CHN1: variants seen among roughly 807,000 people sequenced by gnomAD.
The protein encoded by CHN1 is chimerin 1.
Under a neutral mutation model 59.5 loss-of-function variants are expected in CHN1, and 37 were observed. The observed-to-expected ratio is 0.62, with a 90% CI of 0.48 to 0.82. The LOEUF is 0.82. CHN1 is among the 40% of genes least tolerant of loss of function. The pLI is 0.00. For synonymous variants in CHN1, 206 were observed against 200.4 expected (o/e 1.03, Z -0.24); for missense variants, 469 against 571.0 (o/e 0.82, Z 1.82).
At chr2:174,834,656 C>T (rs1182974037) in intron 7 of CHN1, among the ~76,000 whole-genome samples, 2 of 151,890 alleles carry the variant, frequency 1.3e-5, no homozygotes, top group African/African-American at 4.8e-5. Flanking sequence ...ATGTGCATCC[C>T]CCCAACTGCT....
intron 6 of CHN1, among the ~76,000 whole-genome samples, chr2:174,867,691 GTAATA>G (rs1317244035): frequency 6.6e-6 from 1 of 151,978 alleles, no homozygotes; most frequent in Non-Finnish European, 1.5e-5. Context: ...TGCTTATAAA[GTAATA>G]TAATATAGAC....
chr2:174,979,945 G>C (rs1429671545), intron 1 of CHN1, among the ~76,000 whole-genome samples: 2 of 152,078 alleles, frequency 1.3e-5, no homozygotes, highest in Non-Finnish European at 2.9e-5. Context: ...TACCTTTTTA[G>C]AACAATTTCA....
At chr2:174,950,610 C>T (rs1443173743) in intron 2 of CHN1, among the ~76,000 whole-genome samples, 1 of 151,842 alleles carries the variant, frequency 6.6e-6, no homozygotes, top group African/African-American at 2.4e-5. Flanking sequence ...CAAAAAATAC[C>T]AGTTGCATAT....
chr2:174,882,848 C>T (rs1314812222), intron 5 of CHN1, among the ~76,000 whole-genome samples: 1 of 151,948 alleles, frequency 6.6e-6, no homozygotes, highest in African/African-American at 2.4e-5. Flanking sequence ...ATGATGCATT[C>T]GATTAAGTAC....
At chr2:174,971,744 C>G (rs905868544) in intron 1 of CHN1, among the ~76,000 whole-genome samples, 3 of 152,152 alleles carry the variant, frequency 2.0e-5, no homozygotes, top group Non-Finnish European at 2.9e-5. Context: ...GTCCTTGAAC[C>G]AAGATCATGT....
intron 3 of CHN1, among the ~76,000 whole-genome samples, chr2:174,930,866 T>C (rs1689323814): frequency 6.6e-6 from 1 of 151,946 alleles, no homozygotes; most frequent in African/African-American, 2.4e-5. Flanking sequence ...TTGGGTTTTA[T>C]GCCATTCTCC....
At chr2:174,983,764 G>A (rs2105452819) in intron 1 of CHN1, among the ~76,000 whole-genome samples, 1 of 152,236 alleles carries the variant, frequency 6.6e-6, no homozygotes, top group Non-Finnish European at 1.5e-5. Flanking sequence ...GGAGGCTGAG[G>A]TTGCAGTGAG....
chr2:174,886,539 A>G (rs1275654845), intron 5 of CHN1, among the ~76,000 whole-genome samples: 1 of 152,218 alleles, frequency 6.6e-6, no homozygotes, highest in Non-Finnish European at 1.5e-5. Flanking sequence ...GGATTTATTA[A>G]GTTTTATATA....
At chr2:174,909,879 GT>G (rs1482897665) in intron 5 of CHN1, among the ~76,000 whole-genome samples, 2 of 152,170 alleles carry the variant, frequency 1.3e-5, no homozygotes, top group African/African-American at 2.4e-5. Flanking sequence ...ATTTTAAAGG[GT>G]CCCTTTTGCG....
chr2:174,807,916 C>A (rs1157328387), intron 11 of CHN1, among the ~76,000 whole-genome samples: 2 of 152,008 alleles, frequency 1.3e-5, no homozygotes, highest in African/African-American at 4.8e-5. Flanking sequence ...GAGAGAAAAG[C>A]AAAATGACAG....
At chr2:174,940,747 C>T (rs962919931) in intron 3 of CHN1, among the ~76,000 whole-genome samples, 1 of 152,068 alleles carries the variant, frequency 6.6e-6, no homozygotes, top group Non-Finnish European at 1.5e-5. Context: ...TAAGTTTGAC[C>T]ACCAGATCTC....
At chr2:174,952,346 T>C in intron 1 of CHN1, 144 bp from the exon 2 acceptor site, 1 of 452,746 alleles carries the variant, frequency 2.2e-6, no homozygotes, top group Admixed American at 4.4e-5. Flanking sequence ...TTCAAGGGTT[T>C]TTTTTTAGTC....
chr2:174,952,912 A>C lies in CHN1; in HGVS notation c.20-710T>G, dbSNP rs1244173160. ...AGATGGAAATACAAACACATGACGG[A>C]CGTGGAGTTATCAGAGAAAGAAGAA... is the stretch of plus-strand genomic sequence containing the variant. On this transcript the variant is annotated intron_variant, in intron 1 of 12. Coordinates refer to ENST00000409900, the MANE Select transcript of CHN1 (RefSeq NM_001822.7). Among the ~76,000 whole-genome samples the C allele has an allele frequency of 3.9e-5, 6 of 152,352 alleles. No individual in the cohort carries two copies. In the South Asian group the frequency reaches 6.2e-4, roughly 16 times the overall value.
At chr2:174,993,586 A>C (rs1321771179) in intron 1 of CHN1, among the ~76,000 whole-genome samples, 20 of 151,976 alleles carry the variant, frequency 1.3e-4, no homozygotes. Flanking sequence ...GCACCAAAAA[A>C]ACACATGACA....
At chr2:174,828,789 G>GT (rs1685777787) in intron 7 of CHN1, among the ~76,000 whole-genome samples, 1 of 152,178 alleles carries the variant, frequency 6.6e-6, no homozygotes, top group African/African-American at 2.4e-5. Flanking sequence ...TTCACAAGGG[G>GT]TGCAAGGGCT....
intron 6 of CHN1, among the ~76,000 whole-genome samples, chr2:174,861,682 T>G (rs1306592304): frequency 1.3e-5 from 2 of 152,230 alleles, no homozygotes; most frequent in Non-Finnish European, 2.9e-5. Context: ...ACTAAAAACA[T>G]GTTAGAGAGA....
chr2:174,938,073 G>A (rs1025158973), intron 3 of CHN1, among the ~76,000 whole-genome samples: 4 of 152,036 alleles, frequency 2.6e-5, no homozygotes, highest in African/African-American at 9.7e-5. Context: ...AGAACTCCTA[G>A]GCTCAAGTGA....
chr2:174,988,974 A>C (rs1574248492), intron 1 of CHN1, among the ~76,000 whole-genome samples: 2 of 152,336 alleles, frequency 1.3e-5, no homozygotes, highest in South Asian at 4.1e-4. Context: ...TTTTTCAAAA[A>C]TAGTAGTGAA....
chr2:174,854,458 A>T (rs1039982559), intron 6 of CHN1, among the ~76,000 whole-genome samples: 4 of 152,180 alleles, frequency 2.6e-5, no homozygotes, highest in Non-Finnish European at 5.9e-5. Context: ...TCATTTTTCC[A>T]ATAAGCAAAA....
Sources: allele counts gnomAD v4.1 joint callset (sites outside exome capture counted in the v4.1 genomes callset), GRCh38; gene constraint gnomAD v4.1.1; transcripts MANE v1.5; gene names NCBI Gene and HGNC (gene_info 2026-07-23, HGNC 2026-07-21).